Variants in NPLOC4 observed in about 807,000 individuals in gnomAD.
NPLOC4 encodes nuclear protein localization protein 4 homolog.
In NPLOC4, 18 loss-of-function variants were observed where a neutral mutation model predicts 80.6. The observed-to-expected ratio is 0.22, with a 90% CI of 0.15 to 0.33. The LOEUF is 0.33. Among genes scored for constraint, NPLOC4 ranks in the 10% least tolerant of loss-of-function variants. NPLOC4 has a pLI of 1.00. For synonymous variants in NPLOC4, 313 were observed against 301.5 expected, an observed-to-expected ratio of 1.04 and a Z score of -0.39; for missense variants, 540 against 786.1, an observed-to-expected ratio of 0.69 and a Z score of 3.74.
intron 7 of NPLOC4, among the ~76,000 whole-genome samples, chr17:81,606,391 C>A (rs1272175902): frequency 2.0e-5 from 3 of 152,126 alleles, no homozygotes; most frequent in African/African-American, 7.2e-5. Context: ...CTTTACCAAC[C>A]TTCAGAGCCA....
intron 2 of NPLOC4, among the ~76,000 whole-genome samples, chr17:81,629,344 A>G (rs2035875189): frequency 2.0e-5 from 3 of 151,510 alleles, no homozygotes; most frequent in Admixed American, 6.6e-5. Flanking sequence ...GGCACCTACC[A>G]CCACGCCCGA....
intron 4 of NPLOC4, among the ~76,000 whole-genome samples, chr17:81,611,241 A>G (rs1476668914): frequency 6.6e-6 from 1 of 152,026 alleles, no homozygotes; most frequent in Non-Finnish European, 1.5e-5. Flanking sequence ...AATTGCTTGA[A>G]CCTGGGAGGC....
chr17:81,601,883 G>C (rs2035064605), intron 8 of NPLOC4, among the ~76,000 whole-genome samples: 1 of 152,186 alleles, frequency 6.6e-6, no homozygotes. Context: ...CCCATGCATA[G>C]CCTGCAGTTT....
At chr17:81,636,579 T>G (rs1198843969) in intron 1 of NPLOC4, 8 of 239,586 alleles carry the variant, frequency 3.3e-5, no homozygotes, top group Admixed American at 5.7e-5. Flanking sequence ...TCCCTGGAAT[T>G]AGACCAGGAA....
chr17:81,583,725 C>T (rs1268119330), intron 12 of NPLOC4, among the ~76,000 whole-genome samples: 1 of 152,174 alleles, frequency 6.6e-6, no homozygotes, highest in African/African-American at 2.4e-5. Context: ...GGCTCTTCCT[C>T]GTTCTCTTAC....
chr17:81,623,297 G>A (rs2035713336), intron 2 of NPLOC4, among the ~76,000 whole-genome samples: 1 of 147,364 alleles, frequency 6.8e-6, no homozygotes, highest in Non-Finnish European at 1.5e-5. Context: ...TAGTGAAACC[G>A]TCTCTACTAA....
chr17:81,593,926 C>G (rs1020952815), intron 11 of NPLOC4, among the ~76,000 whole-genome samples: 1 of 151,844 alleles, frequency 6.6e-6, no homozygotes, highest in Non-Finnish European at 1.5e-5. Flanking sequence ...CAATCCTAGC[C>G]CAAATTCCCA....
intron 16 of NPLOC4, chr17:81,563,668 G>A (rs948635773): frequency 6.9e-6 from 2 of 287,944 alleles, no homozygotes; most frequent in African/African-American, 2.3e-5. Flanking sequence ...ATAATCTCAG[G>A]ACTTTGTGAG....
intron 12 of NPLOC4, among the ~76,000 whole-genome samples, chr17:81,576,050 G>A (rs1271769978): frequency 6.6e-6 from 1 of 152,182 alleles, no homozygotes; most frequent in Non-Finnish European, 1.5e-5. Flanking sequence ...AACAACAAAG[G>A]AATAGATTGT....
chr17:81,606,691 C>T lies in NPLOC4; in HGVS notation c.654G>A (p.Gln218=). The T allele has an allele frequency of 1.2e-6, 2 of 1,611,836 alleles. No homozygotes were observed. Among genetic ancestry groups the T allele is most frequent in the Non-Finnish European group, 1.7e-6 (2 of 1,178,830 alleles). Residue 218 remains glutamine (Q), a splice_region_variant and synonymous_variant, in exon 7 of 17, where the codon CAG becomes CAA. Transcript: ENST00000331134. ...TCTAGACAGACAGGGAACATCTCAC[C>T]TGTCTGTTCAGCGTGATGGCGCTCG... The part of the protein sequence containing the change: ...CQPSAITLNR[Q]KYRHVDNIMF...
chr17:81,626,961 G>A (rs189760528), intron 2 of NPLOC4, among the ~76,000 whole-genome samples: 9 of 151,776 alleles, frequency 5.9e-5, no homozygotes, highest in Admixed American at 3.9e-4. Flanking sequence ...ATGGTGGTGC[G>A]AGCCTGTAGT....
intron 14 of NPLOC4, 59 bp downstream of exon 14, chr17:81,568,957 G>T: frequency 9.3e-7 from 1 of 1,071,258 alleles, no homozygotes; most frequent in Non-Finnish European, 1.4e-6. Context: ...AAACAATACT[G>T]ACACTAGATA....
intron 3 of NPLOC4, among the ~76,000 whole-genome samples, chr17:81,615,190 C>A (rs1350682653): frequency 2.0e-5 from 3 of 149,768 alleles, no homozygotes; most frequent in Non-Finnish European, 4.4e-5. Flanking sequence ...ACCTGCATCT[C>A]ACGGGTTTAA....
chr17:81,631,143 G>A (rs1259269393), intron 1 of NPLOC4, among the ~76,000 whole-genome samples: 4 of 151,694 alleles, frequency 2.6e-5, no homozygotes, highest in Non-Finnish European at 4.4e-5. Flanking sequence ...ATTGCGTGAC[G>A]AAGAGCAAGA....
chr17:81,599,176 C>T (rs533431892), intron 9 of NPLOC4, among the ~76,000 whole-genome samples: 49 of 151,824 alleles, frequency 3.2e-4, no homozygotes, highest in African/African-American at 1.0e-3. Context: ...GTAATCCCAG[C>T]TACTTGGGAG....
intron 11 of NPLOC4, among the ~76,000 whole-genome samples, chr17:81,590,082 A>G (rs2144143800): frequency 6.6e-6 from 1 of 152,304 alleles, no homozygotes; most frequent in East Asian, 1.9e-4. Context: ...AAATCCAGTC[A>G]TGGTATTGTA....
intron 3 of NPLOC4, among the ~76,000 whole-genome samples, chr17:81,613,762 C>T (rs1171616466): frequency 6.6e-6 from 1 of 152,106 alleles, no homozygotes; most frequent in Non-Finnish European, 1.5e-5. Flanking sequence ...AATGATTTTG[C>T]TTGCACACAC....
Position 81,628,726 on chromosome 17 carries a change from G to C in NPLOC4, c.96+999C>G, listed in dbSNP as rs754426904. On this transcript the variant is annotated intron_variant, in intron 2 of 16. Transcript: ENST00000331134. ...AGAAACTGTGAAGATAAGCTAAGAA[G>C]TACATAATATGCAACTATCACAGTA... Among the ~76,000 whole-genome samples the C allele has an allele frequency of 9.7e-4, 148 of 152,004 alleles. 1 individual carries two copies. Among genetic ancestry groups the C allele is most frequent in the Non-Finnish European group, 1.9e-3 (129 of 68,016 alleles).
In NPLOC4 at chr17:81,613,411, T is replaced by C. The variant is rs201948322; in HGVS notation, c.293A>G (p.Lys98Arg). 3.7e-5 allele frequency: 60 copies of C among 1,613,836 alleles called. No individual in the cohort carries two copies. Among genetic ancestry groups the C allele is most frequent in the Non-Finnish European group, 5.0e-5 (59 of 1,179,900 alleles). ...EMETSVPPGF[K>R]VFGAPNVVED... ...CACCACGTTGGGAGCGCCAAAGACT[T>C]TGAAGCCCGGTGGAACTGACGTCTC... Residue 98 changes from lysine (K) to arginine (R), a missense_variant, in exon 4 of 17, where the codon AAA becomes AGA. Transcript: ENST00000331134.
Sources: gnomAD v4.1 joint callset for allele counts (sites outside exome capture counted in the v4.1 genomes callset) on GRCh38, gnomAD v4.1.1 for gene constraint, MANE v1.5 for transcripts, NCBI Gene and HGNC (gene_info 2026-07-23, HGNC 2026-07-21) for gene names.